ERBB4: variants seen among roughly 807,000 people sequenced by gnomAD.
ERBB4 encodes the protein erb-b2 receptor tyrosine kinase 4.
In ERBB4, 42 loss-of-function variants were observed where a neutral mutation model predicts 158.0. The observed-to-expected ratio is 0.27, with a 90% CI of 0.21 to 0.34. The LOEUF is 0.34. Ranked by LOEUF, ERBB4 falls within the 10% of genes least tolerant of loss-of-function variation. The probability of loss-of-function intolerance (pLI) is 1.00; values close to 1 mark genes in which losing one functional copy is unlikely to be tolerated. For synonymous variants in ERBB4, 583 were observed against 558.7 expected (o/e 1.04, Z -0.61); for missense variants, 1,333 against 1,624.1 (o/e 0.82, Z 3.08).
intron 1 of ERBB4, among the ~76,000 whole-genome samples, chr2:212,258,361 C>T (rs2084815806): frequency 6.6e-6 from 1 of 151,470 alleles, no homozygotes; most frequent in Non-Finnish European, 1.5e-5. Flanking sequence ...CTTGGTTTAC[C>T]TAAACAAAAC....
At chr2:212,536,351 TAC>T (rs1343614238) in intron 1 of ERBB4, among the ~76,000 whole-genome samples, 1 of 152,276 alleles carries the variant, frequency 6.6e-6, no homozygotes, top group Non-Finnish European at 1.5e-5. Flanking sequence ...CCGGGGCATT[TAC>T]AGTTTCCAAT....
Position 211,964,625 on chromosome 2 carries a change from C to T in ERBB4, c.235-17009G>A, listed in dbSNP as rs575624506. Reference sequence around the variant, plus strand: ...CTTAAGCAGGTTCCAGTACTAAAATCTGATATAATCTCTACTAGCTGACAC... The same window carrying T: ...CTTAAGCAGGTTCCAGTACTAAAATTTGATATAATCTCTACTAGCTGACAC... On this transcript the variant is annotated intron_variant, in intron 2 of 27. Coordinates refer to ENST00000342788, the MANE Select transcript of ERBB4 (RefSeq NM_005235.3). 2.0e-5 allele frequency among the ~76,000 whole-genome samples: 3 copies of T among 152,206 alleles called. No homozygotes were observed. The South Asian group carries it at 6.2e-4, about 32-fold the overall frequency.
At chr2:212,271,757 C>A (rs2085351793) in intron 1 of ERBB4, among the ~76,000 whole-genome samples, 1 of 151,764 alleles carries the variant, frequency 6.6e-6, no homozygotes, top group African/African-American at 2.4e-5. Flanking sequence ...GCTGGAATTC[C>A]TCCAGATAGA....
chr2:211,781,545 A>G (rs2076037237), intron 4 of ERBB4, among the ~76,000 whole-genome samples: 1 of 152,308 alleles, frequency 6.6e-6, no homozygotes, highest in Admixed American at 6.5e-5. Context: ...CCTATGAGAG[A>G]CAACCTTCTA....
chr2:212,354,786 T>A (rs776340703), intron 1 of ERBB4, among the ~76,000 whole-genome samples: 7 of 152,146 alleles, frequency 4.6e-5, no homozygotes, highest in Admixed American at 2.6e-4. Flanking sequence ...TAGGTAAAAA[T>A]CTGTTGAAGT....
At chr2:212,465,672 C>T (rs1437431017) in intron 1 of ERBB4, among the ~76,000 whole-genome samples, 1 of 152,096 alleles carries the variant, frequency 6.6e-6, no homozygotes, top group Non-Finnish European at 1.5e-5. Flanking sequence ...TCTCCACTTC[C>T]TATTTTCTTG....
intron 2 of ERBB4, among the ~76,000 whole-genome samples, chr2:212,041,438 T>C (rs1384433847): frequency 6.6e-6 from 1 of 152,082 alleles, no homozygotes; most frequent in East Asian, 1.9e-4. Context: ...AAAGAATAAT[T>C]AGCACCATCT....
chr2:212,021,978 T>C (rs2076661875), intron 2 of ERBB4, among the ~76,000 whole-genome samples: 1 of 152,144 alleles, frequency 6.6e-6, no homozygotes, highest in Admixed American at 6.5e-5. Context: ...TGAGATACCA[T>C]CTTACACCAG....
At chr2:212,073,162 T>C (rs972479183) in intron 2 of ERBB4, among the ~76,000 whole-genome samples, 1 of 151,832 alleles carries the variant, frequency 6.6e-6, no homozygotes, top group African/African-American at 2.4e-5. Flanking sequence ...TTAGAAAAGC[T>C]AGAAAGGAAA....
chr2:211,951,620 A>T (rs1328614447), intron 2 of ERBB4, among the ~76,000 whole-genome samples: 1 of 152,142 alleles, frequency 6.6e-6, no homozygotes, highest in African/African-American at 2.4e-5. Context: ...CATTATTCTC[A>T]GACACATGTG....
At position 212,042,661 on chromosome 2, in the gene ERBB4, C is replaced by CT. The variant is rs144352862; in HGVS notation, c.234+82090dup. ...AATCTTTCTTTGTGGTTTTAGTATGCTTTTTTGAAGCTCCCTGTAAGGAAA... is the reference window on the plus strand; with the variant it reads ...AATCTTTCTTTGTGGTTTTAGTATGCTTTTTTTGAAGCTCCCTGTAAGGAAA... On this transcript the variant is annotated intron_variant, in intron 2 of 27. Coordinates refer to ENST00000342788, the MANE Select transcript of ERBB4 (RefSeq NM_005235.3). Among the ~76,000 whole-genome samples, 1,201 of 152,072 alleles carry CT rather than the reference C, an allele frequency of 7.9e-3. 12 individuals are homozygous for CT. The highest frequency in any genetic ancestry group is 0.027 in the African/African-American group (1,102 of 41,506).
At chr2:212,208,244 C>T (rs778600757) in intron 1 of ERBB4, among the ~76,000 whole-genome samples, 76 of 152,236 alleles carry the variant, frequency 5.0e-4, no homozygotes, top group Middle Eastern at 3.4e-3. Flanking sequence ...TTCCCTCTTA[C>T]GCCTGCAAGG....
At chr2:211,649,712 A>G (rs1273822300) in intron 16 of ERBB4, among the ~76,000 whole-genome samples, 1 of 151,904 alleles carries the variant, frequency 6.6e-6, no homozygotes, top group African/African-American at 2.4e-5. Flanking sequence ...GGAACACTTT[A>G]CTCTGAGCAG....
chr2:212,073,614 G>C (rs1215782431), intron 2 of ERBB4, among the ~76,000 whole-genome samples: 1 of 151,986 alleles, frequency 6.6e-6, no homozygotes. Flanking sequence ...CTGAAAGTCA[G>C]AAAACCAGGA....
chr2:212,154,852 T>C (rs1212445262), intron 1 of ERBB4, among the ~76,000 whole-genome samples: 1 of 152,180 alleles, frequency 6.6e-6, no homozygotes, highest in African/African-American at 2.4e-5. Flanking sequence ...TATGAACCTG[T>C]TCAATATGCA....
At chr2:211,668,384 A>T (rs2071708513) in intron 14 of ERBB4, among the ~76,000 whole-genome samples, 1 of 152,192 alleles carries the variant, frequency 6.6e-6, no homozygotes, top group Non-Finnish European at 1.5e-5. Context: ...GACTTAAAGA[A>T]ATATACCTGT....
At chr2:211,977,702 G>A (rs2081653860) in intron 2 of ERBB4, among the ~76,000 whole-genome samples, 1 of 150,830 alleles carries the variant, frequency 6.6e-6, no homozygotes, top group Admixed American at 6.6e-5. Context: ...GCTGGGCGTG[G>A]TGGACCAGCT....
intron 10 of ERBB4, among the ~76,000 whole-genome samples, chr2:211,704,869 AT>A (rs1373958020): frequency 1.3e-5 from 2 of 152,202 alleles, no homozygotes; most frequent in Non-Finnish European, 2.9e-5. Context: ...ATCTTTAAAA[AT>A]AACATGAGTT....
chr2:211,412,333 G>T (rs921717662), intron 25 of ERBB4, among the ~76,000 whole-genome samples: 10 of 152,114 alleles, frequency 6.6e-5, no homozygotes, highest in Non-Finnish European at 1.2e-4. Flanking sequence ...GGTTTTATTT[G>T]TTTGTTTGTT....
Sources: gnomAD v4.1 joint callset for allele counts (sites outside exome capture counted in the v4.1 genomes callset) on GRCh38, gnomAD v4.1.1 for gene constraint, MANE v1.5 for transcripts, NCBI Gene and HGNC (gene_info 2026-07-23, HGNC 2026-07-21) for gene names.